UNC5C: variants seen among roughly 807,000 people sequenced by gnomAD.
The protein encoded by UNC5C is netrin receptor UNC5C.
In UNC5C, 47 loss-of-function variants were observed where a neutral mutation model predicts 99.8. The ratio of observed to expected loss-of-function variants is 0.47; its 90% CI spans 0.37 to 0.60. The LOEUF (loss-of-function observed/expected upper bound fraction) is 0.60. Among genes scored for constraint, UNC5C ranks in the 20% least tolerant of loss-of-function variants. The pLI, the probability that UNC5C is intolerant of heterozygous loss-of-function variation, is 0.00. For missense variants in UNC5C, 1,062 were observed against 1,165.9 expected (o/e 0.91, Z 1.30); for synonymous variants, 487 against 452.2 (o/e 1.08, Z -0.98).
At chr4:95,418,455 A>T (rs1746230486) in intron 1 of UNC5C, among the ~76,000 whole-genome samples, 1 of 152,194 alleles carries the variant, frequency 6.6e-6, no homozygotes, top group Non-Finnish European at 1.5e-5. Flanking sequence ...ATTTTAAGAA[A>T]CAAAATTAAG....
chr4:95,172,444 A>C (rs78890352), intron 14 of UNC5C, among the ~76,000 whole-genome samples: 12,000 of 152,146 alleles, frequency 0.079, 977 homozygotes, highest in Admixed American at 0.25. Flanking sequence ...ATCCAGTTTC[A>C]GCTTTCTACA....
chr4:95,296,219 T>C (rs1344142025), intron 3 of UNC5C, among the ~76,000 whole-genome samples: 1 of 152,222 alleles, frequency 6.6e-6, no homozygotes, highest in Non-Finnish European at 1.5e-5. Context: ...TTATGATGCA[T>C]ATCTTTATGA....
intron 1 of UNC5C, among the ~76,000 whole-genome samples, chr4:95,535,616 G>C (rs970496724): frequency 1.3e-5 from 2 of 152,092 alleles, no homozygotes; most frequent in African/African-American, 4.8e-5. Context: ...ATTTTAACTT[G>C]TATGCAATTT....
chr4:95,393,855 T>G (rs1478826846), intron 1 of UNC5C, among the ~76,000 whole-genome samples: 1 of 146,174 alleles, frequency 6.8e-6, no homozygotes, highest in Non-Finnish European at 1.5e-5. Context: ...CTACTGTTTT[T>G]TTTTTTTTAA....
chr4:95,250,375 A>T (rs1739652856), intron 5 of UNC5C, 112 bp downstream of exon 5: 1 of 1,160,856 alleles, frequency 8.6e-7, no homozygotes, highest in Admixed American at 2.5e-5. Context: ...ACAGAGCAAG[A>T]CCCTGTCTCA....
rs538232999 is a variant in UNC5C, at chr4:95,369,237, G to T, written c.125-33606C>A. On this transcript the variant is annotated intron_variant, in intron 1 of 15. Coordinates refer to ENST00000453304, the MANE Select transcript of UNC5C (RefSeq NM_003728.4). ...TACCAGAAATACTTGACTTTAATTCGGTTTTCATAAAATTTATAGTTCAAA... is the reference window on the plus strand; with the variant it reads ...TACCAGAAATACTTGACTTTAATTCTGTTTTCATAAAATTTATAGTTCAAA... 2.6e-5 allele frequency among the ~76,000 whole-genome samples: 4 copies of T among 151,904 alleles called. No individual in the cohort carries two copies. In the South Asian group the frequency reaches 8.3e-4, roughly 32 times the overall value.
intron 1 of UNC5C, among the ~76,000 whole-genome samples, chr4:95,351,710 A>C (rs541917633): frequency 6.7e-6 from 1 of 149,302 alleles, no homozygotes; most frequent in South Asian, 2.1e-4. Context: ...ATTAAAAAAA[A>C]TATGTATCTT....
chr4:95,244,943 G>A, intron 6 of UNC5C, 34 bp downstream of exon 6: 1 of 1,610,730 alleles, frequency 6.2e-7, no homozygotes, highest in South Asian at 1.1e-5. Context: ...TGAATAATAG[G>A]AGATACTTGG....
At position 95,168,441 on chromosome 4, in the gene UNC5C, TA is replaced by T. The variant is rs11337699; in HGVS notation, c.*792del. ...TACCTGTAAATAATAATAATACCTTTAAAAAAAAACACTTCATATTGCATAT... is the reference window on the plus strand; with the variant it reads ...TACCTGTAAATAATAATAATACCTTTAAAAAAAACACTTCATATTGCATAT... On this transcript the variant is annotated 3_prime_UTR_variant, in exon 16 of 16. Coordinates refer to ENST00000453304, the MANE Select transcript of UNC5C (RefSeq NM_003728.4). The T allele has an allele frequency of 7.2e-3, 1,094 of 151,594 alleles. 5 individuals are homozygous for T. Among genetic ancestry groups the T allele is most frequent in the African/African-American group, 0.015 (628 of 41,226 alleles). 9.4% of individuals were successfully genotyped at this position (151,594 alleles called of 1,614,324 possible). A position where few individuals can be genotyped will look rare whatever the true frequency, so the allele number is the denominator to read the frequency against.
chr4:95,182,735 C>T (rs1346169330), intron 14 of UNC5C, among the ~76,000 whole-genome samples, 162 bp downstream of exon 14: 1 of 152,048 alleles, frequency 6.6e-6, no homozygotes, highest in Non-Finnish European at 1.5e-5. Context: ...CAGCTAGCTT[C>T]CATTGCTCAT....
intron 2 of UNC5C, among the ~76,000 whole-genome samples, chr4:95,317,681 C>T (rs7688007): frequency 2.0e-5 from 3 of 152,084 alleles, no homozygotes; most frequent in African/African-American, 2.4e-5. Context: ...TCTCTGGCCC[C>T]GAGTAGAAGG....
intron 1 of UNC5C, among the ~76,000 whole-genome samples, chr4:95,466,055 T>C (rs995524494): frequency 6.6e-6 from 1 of 152,190 alleles, no homozygotes; most frequent in African/African-American, 2.4e-5. Flanking sequence ...TTCAATCATA[T>C]GTTTTTAATG....
intron 1 of UNC5C, among the ~76,000 whole-genome samples, chr4:95,464,690 AATT>A (rs1314952177): frequency 6.6e-6 from 1 of 152,136 alleles, no homozygotes; most frequent in Non-Finnish European, 1.5e-5. Context: ...GGCTTTTGAG[AATT>A]ATTTGTATGA....
intron 7 of UNC5C, among the ~76,000 whole-genome samples, chr4:95,235,708 C>T (rs1383075345): frequency 6.6e-6 from 1 of 152,128 alleles, no homozygotes; most frequent in Non-Finnish European, 1.5e-5. Context: ...ATATGGCTAG[C>T]CAGTTTTCCC....
chr4:95,303,865 G>A (rs1741965286), intron 2 of UNC5C, among the ~76,000 whole-genome samples: 1 of 152,116 alleles, frequency 6.6e-6, no homozygotes, highest in African/African-American at 2.4e-5. Context: ...AGTTTAATAA[G>A]TTCATAAAAG....
intron 3 of UNC5C, 148 bp from the exon 4 acceptor site, chr4:95,278,510 TG>T (rs1384893766): frequency 1.4e-5 from 9 of 639,658 alleles, no homozygotes; most frequent in Non-Finnish European, 2.4e-5. Context: ...GGTCTCACTC[TG>T]TGTCCCAGGC....
intron 7 of UNC5C, among the ~76,000 whole-genome samples, chr4:95,242,059 C>T (rs905561787): frequency 2.0e-5 from 3 of 152,074 alleles, no homozygotes; most frequent in African/African-American, 7.2e-5. Flanking sequence ...CGTTAGGTAC[C>T]TGCCATGAAT....
At chr4:95,520,299 G>A (rs993123225) in intron 1 of UNC5C, among the ~76,000 whole-genome samples, 2 of 152,088 alleles carry the variant, frequency 1.3e-5, no homozygotes, top group South Asian at 2.1e-4. Context: ...ATTATCTACC[G>A]TAAGATTCAA....
intron 4 of UNC5C, among the ~76,000 whole-genome samples, chr4:95,262,843 T>C (rs1278210394): frequency 6.6e-6 from 1 of 151,994 alleles, no homozygotes; most frequent in Non-Finnish European, 1.5e-5. Flanking sequence ...GAGATGGAGT[T>C]TCACTCTGTC....
Sources: allele counts gnomAD v4.1 joint callset (sites outside exome capture counted in the v4.1 genomes callset), GRCh38; gene constraint gnomAD v4.1.1; transcripts MANE v1.5; gene names NCBI Gene and HGNC (gene_info 2026-07-23, HGNC 2026-07-21).